Variants in SAMTOR observed in about 807,000 individuals in gnomAD.
The protein encoded by SAMTOR is S-adenosylmethionine sensor upstream of mTORC1.
chr7:112,900,483 C>T, the SAMTOR span, among the ~76,000 whole-genome samples: 48 of 152,296 alleles, frequency 3.2e-4, no homozygotes, highest in Non-Finnish European at 5.0e-4. Flanking sequence ...GAAACACCCT[C>T]GCAGACACAC....
chr7:112,869,164 G>A, the SAMTOR span, among the ~76,000 whole-genome samples: 1 of 152,166 alleles, frequency 6.6e-6, no homozygotes, highest in East Asian at 1.9e-4. Flanking sequence ...GAGAGTGGGG[G>A]TAATCTCTCG....
chr7:112,923,897 T>C, the SAMTOR span, among the ~76,000 whole-genome samples: 13 of 150,370 alleles, frequency 8.6e-5, no homozygotes, highest in South Asian at 2.1e-4. Flanking sequence ...TTTGTAGGGA[T>C]ATGGATGAAA....
chr7:112,837,343 T>G, the SAMTOR span, among the ~76,000 whole-genome samples: 32 of 152,110 alleles, frequency 2.1e-4, no homozygotes, highest in African/African-American at 7.5e-4. Flanking sequence ...TAGCAGAGAC[T>G]ATGGGGTTTT....
the SAMTOR span, chr7:112,939,622 G>A: frequency 1.2e-6 from 2 of 1,614,014 alleles, no homozygotes; most frequent in Non-Finnish European, 1.7e-6. Flanking sequence ...GCCGCCGGTG[G>A]ACGCTCTTCA....
the SAMTOR span, among the ~76,000 whole-genome samples, chr7:112,883,331 C>T: frequency 7.2e-5 from 11 of 152,172 alleles, no homozygotes; most frequent in African/African-American, 2.7e-4. Flanking sequence ...CTCTTCCATT[C>T]TTTCACCTGA....
At chr7:112,827,842 C>T in the SAMTOR span, among the ~76,000 whole-genome samples, 5 of 152,132 alleles carry the variant, frequency 3.3e-5, no homozygotes, top group African/African-American at 9.7e-5. Flanking sequence ...CCATCTGTCT[C>T]CTGAGCAGCT....
the SAMTOR span, among the ~76,000 whole-genome samples, chr7:112,934,096 A>G: frequency 6.6e-6 from 1 of 152,196 alleles, no homozygotes; most frequent in East Asian, 1.9e-4. Context: ...CTGTAAATGA[A>G]GCATAAATGG....
chr7:112,939,444 A>G, the SAMTOR span: 1 of 1,302,890 alleles, frequency 7.7e-7, no homozygotes, highest in Non-Finnish European at 1.0e-6. Flanking sequence ...TAGGGGGCTC[A>G]GACCAGGCCC....
chr7:112,849,047 T>TAAA, the SAMTOR span, among the ~76,000 whole-genome samples: 9 of 137,806 alleles, frequency 6.5e-5, no homozygotes, highest in East Asian at 2.2e-4. Context: ...AGACTCCATC[T>TAAA]AAAAAAAAAA....
the SAMTOR span, among the ~76,000 whole-genome samples, chr7:112,901,633 C>T: frequency 2.4e-4 from 36 of 152,146 alleles, 1 homozygote; most frequent in Non-Finnish European, 8.8e-5. Context: ...AAAACCAGTC[C>T]CTAGTGCCAA....
the SAMTOR span, among the ~76,000 whole-genome samples, chr7:112,938,411 C>G: frequency 6.6e-6 from 1 of 152,150 alleles, no homozygotes; most frequent in Non-Finnish European, 1.5e-5. Context: ...TGAAACATAT[C>G]AACTACATTC....
At chr7:112,908,780 C>T in the SAMTOR span, among the ~76,000 whole-genome samples, 3 of 152,044 alleles carry the variant, frequency 2.0e-5, no homozygotes, top group Non-Finnish European at 4.4e-5. Context: ...GGAGGTGTTA[C>T]CCGGTGTAAT....
At chr7:112,869,125 G>A in the SAMTOR span, among the ~76,000 whole-genome samples, 1 of 152,266 alleles carries the variant, frequency 6.6e-6, no homozygotes, top group African/African-American at 2.4e-5. Context: ...CACTGAAGGG[G>A]GCAACAGCAA....
the SAMTOR span, among the ~76,000 whole-genome samples, chr7:112,919,846 T>G: frequency 6.6e-6 from 1 of 152,160 alleles, no homozygotes; most frequent in African/African-American, 2.4e-5. Flanking sequence ...CTAGAAAATC[T>G]AGAAGAAATG....
the SAMTOR span, among the ~76,000 whole-genome samples, chr7:112,898,009 G>C: frequency 6.6e-6 from 1 of 152,202 alleles, no homozygotes; most frequent in African/African-American, 2.4e-5. Context: ...CAGAGGGAGT[G>C]TGAAATAACT....
At chr7:112,888,541 T>C in the SAMTOR span, among the ~76,000 whole-genome samples, 176 of 152,174 alleles carry the variant, frequency 1.2e-3, 1 homozygote, top group African/African-American at 4.2e-3. Flanking sequence ...TATACACATA[T>C]TCAAAAAGTG....
At chr7:112,848,343 C>G in the SAMTOR span, among the ~76,000 whole-genome samples, 2 of 152,176 alleles carry the variant, frequency 1.3e-5, no homozygotes, top group African/African-American at 4.8e-5. Flanking sequence ...TACATGTATA[C>G]ATACCTATAA....
the SAMTOR span, among the ~76,000 whole-genome samples, chr7:112,932,086 C>T: frequency 7.2e-5 from 11 of 152,026 alleles, no homozygotes; most frequent in Middle Eastern, 3.4e-3. Flanking sequence ...CCACCACACC[C>T]GGCTAATTTT....
chr7:112,828,053 G>A, the SAMTOR span, among the ~76,000 whole-genome samples: 1 of 152,152 alleles, frequency 6.6e-6, no homozygotes, highest in Non-Finnish European at 1.5e-5. Context: ...TGCATCCACA[G>A]ATGTGGAATC....
Sources: allele counts gnomAD v4.1 joint callset (sites outside exome capture counted in the v4.1 genomes callset), GRCh38; gene constraint gnomAD v4.1.1; transcripts MANE v1.5; gene names NCBI Gene and HGNC (gene_info 2026-07-23, HGNC 2026-07-21).